ROBO2: variants seen among roughly 807,000 people sequenced by gnomAD.
ROBO2 encodes the protein roundabout homolog 2.
ROBO2 carries 53 observed loss-of-function variants against 160.8 expected under a neutral mutation model. That is an observed-to-expected ratio of 0.33 (90% CI 0.26 to 0.41). The LOEUF (loss-of-function observed/expected upper bound fraction) is 0.41. Ranked by LOEUF, ROBO2 falls within the 10% of genes least tolerant of loss-of-function variation. The pLI is 1.00. For missense variants in ROBO2, 1,577 were observed against 1,722.4 expected (o/e 0.92, Z 1.49); for synonymous variants, 664 against 611.7 (o/e 1.09, Z -1.26).
intron 2 of ROBO2, among the ~76,000 whole-genome samples, chr3:76,446,315 T>C (rs1008355813): frequency 2.0e-5 from 3 of 152,042 alleles, no homozygotes; most frequent in African/African-American, 7.3e-5. Flanking sequence ...ATAAAATACC[T>C]AGGAATCCCA....
At chr3:77,635,218 A>G (rs1331409242) in intron 24 of ROBO2, among the ~76,000 whole-genome samples, 175 bp downstream of exon 25, 1 of 152,104 alleles carries the variant, frequency 6.6e-6, no homozygotes, top group Non-Finnish European at 1.5e-5. Context: ...ACAATCTAGA[A>G]TTATTTCTAT....
At chr3:76,215,244 A>C (rs1257755925) in intron 2 of ROBO2, among the ~76,000 whole-genome samples, 2 of 152,144 alleles carry the variant, frequency 1.3e-5, no homozygotes, top group Non-Finnish European at 2.9e-5. Context: ...AAACTCTAAA[A>C]ATCGAGCACC....
intron 24 of ROBO2, among the ~76,000 whole-genome samples, chr3:77,636,929 T>G (rs2095273531): frequency 6.6e-6 from 1 of 152,246 alleles, no homozygotes; most frequent in Non-Finnish European, 1.5e-5. Context: ...TGAAGTTATA[T>G]TCTAAGGATA....
chr3:76,710,480 T>G (rs1259295310), intron 2 of ROBO2, among the ~76,000 whole-genome samples: 22 of 152,174 alleles, frequency 1.4e-4, no homozygotes, highest in Admixed American at 1.2e-3. Flanking sequence ...GAAGACATTA[T>G]TTAAACTAGT....
At chr3:76,267,194 A>G (rs1201343310) in intron 2 of ROBO2, among the ~76,000 whole-genome samples, 2 of 152,294 alleles carry the variant, frequency 1.3e-5, no homozygotes, top group Admixed American at 1.3e-4. Flanking sequence ...ACAATGCCCT[A>G]TTAGTCAAAC....
chr3:76,060,485 CA>C (rs2068036058), intron 2 of ROBO2, among the ~76,000 whole-genome samples: 1 of 152,190 alleles, frequency 6.6e-6, no homozygotes, highest in Non-Finnish European at 1.5e-5. Context: ...TTTTAATCAG[CA>C]CAGGAAATTT....
chr3:75,979,476 A>G (rs149670714), intron 2 of ROBO2, among the ~76,000 whole-genome samples: 148 of 151,620 alleles, frequency 9.8e-4, no homozygotes, highest in African/African-American at 3.3e-3. Flanking sequence ...AAGTTTATCT[A>G]GTAAGTGATT....
At chr3:76,395,194 A>G (rs1240518229) in intron 2 of ROBO2, among the ~76,000 whole-genome samples, 1 of 151,138 alleles carries the variant, frequency 6.6e-6, no homozygotes, top group Non-Finnish European at 1.5e-5. Context: ...GCTCAACTAC[A>G]TGGAAACTGA....
chr3:76,845,177 A>C (rs2068660272), intron 2 of ROBO2, among the ~76,000 whole-genome samples: 1 of 152,010 alleles, frequency 6.6e-6, no homozygotes, highest in African/African-American at 2.4e-5. Flanking sequence ...GCAATTTTTA[A>C]ATACTTCCCA....
intron 2 of ROBO2, among the ~76,000 whole-genome samples, chr3:76,327,491 A>G (rs1040512566): frequency 2.0e-5 from 3 of 152,200 alleles, no homozygotes; most frequent in Non-Finnish European, 4.4e-5. Context: ...CAGCAGTGTC[A>G]CAATTCAATA....
At chr3:76,977,829 T>C (rs1259148587) in intron 2 of ROBO2, among the ~76,000 whole-genome samples, 1 of 152,176 alleles carries the variant, frequency 6.6e-6, no homozygotes, top group Non-Finnish European at 1.5e-5. Flanking sequence ...AAAGATACTG[T>C]CTTGGTAAAG....
Position 77,294,078 on chromosome 3 carries a change from A to C in ROBO2, c.389-183336A>C, listed in dbSNP as rs370114580. Among the ~76,000 whole-genome samples the C allele has an allele frequency of 2.8e-5, 4 of 140,388 alleles. No individual in the cohort carries two copies. In the Admixed American group the frequency reaches 3.0e-4, roughly 10 times the overall value. 92.1% of individuals were successfully genotyped at this position (140,388 alleles called of 152,430 possible). A position where few individuals can be genotyped will look rare whatever the true frequency, so the allele number is the denominator to read the frequency against. On this transcript the variant is annotated intron_variant, in intron 2 of 25. Coordinates refer to ENST00000461745, the Ensembl canonical transcript of ROBO2. Reference sequence around the variant, plus strand: ...GGAAGTTGAGGCTAGAACAGTAAAGACATAAAGTAAAATTGATGGTTAAAC... The same window carrying C: ...GGAAGTTGAGGCTAGAACAGTAAAGCCATAAAGTAAAATTGATGGTTAAAC...
chr3:77,443,716 T>C (rs1015686407), intron 2 of ROBO2, among the ~76,000 whole-genome samples: 1 of 152,096 alleles, frequency 6.6e-6, no homozygotes. Context: ...CTCATATGAG[T>C]AAAAAGACAT....
At chr3:76,052,345 A>G (rs1371324355) in intron 2 of ROBO2, among the ~76,000 whole-genome samples, 1 of 152,108 alleles carries the variant, frequency 6.6e-6, no homozygotes, top group Non-Finnish European at 1.5e-5. Flanking sequence ...GCACACACAG[A>G]TGATTTCTGT....
chr3:76,231,489 T>A (rs1263023566), intron 2 of ROBO2, among the ~76,000 whole-genome samples: 1 of 152,198 alleles, frequency 6.6e-6, no homozygotes, highest in African/African-American at 2.4e-5. Context: ...TTTCATTTTT[T>A]CTTTGATGAC....
chr3:77,482,176 T>G (rs2153589968), intron 4 of ROBO2, among the ~76,000 whole-genome samples: 1 of 152,236 alleles, frequency 6.6e-6, no homozygotes, highest in African/African-American at 2.4e-5. Flanking sequence ...ATTATGTGAT[T>G]TTTTAGGAGC....
intron 2 of ROBO2, among the ~76,000 whole-genome samples, chr3:76,893,900 A>G (rs2074555333): frequency 6.6e-6 from 1 of 152,068 alleles, no homozygotes; most frequent in Admixed American, 6.6e-5. Context: ...TTTAGCTCCC[A>G]TATATGAGTG....
At chr3:76,774,825 T>TTC (rs1553901631) in intron 2 of ROBO2, among the ~76,000 whole-genome samples, 9 of 150,158 alleles carry the variant, frequency 6.0e-5, no homozygotes, top group Admixed American at 1.3e-4. Flanking sequence ...TTTTTTTTTT[T>TTC]CCCGAGAGGT....
At chr3:77,370,087 A>G (rs946163097) in intron 2 of ROBO2, among the ~76,000 whole-genome samples, 10 of 152,188 alleles carry the variant, frequency 6.6e-5, no homozygotes, top group African/African-American at 2.2e-4. Flanking sequence ...ATGTATTGTA[A>G]TGTTTCTGAA....
Sources: gnomAD v4.1 joint callset for allele counts (sites outside exome capture counted in the v4.1 genomes callset) on GRCh38, gnomAD v4.1.1 for gene constraint, MANE v1.5 for transcripts, NCBI Gene and HGNC (gene_info 2026-07-23, HGNC 2026-07-21) for gene names.